The following CSMD1 variants were observed in gnomAD, a reference collection of about 807,000 sequenced individuals.
CSMD1 encodes CUB and Sushi multiple domains 1, also known as CUB and sushi domain-containing protein 1.
CSMD1 carries 213 observed loss-of-function variants against 417.5 expected under a neutral mutation model. That is an observed-to-expected ratio of 0.51 (90% CI 0.46 to 0.57). CSMD1 has a LOEUF of 0.57. CSMD1 is among the 20% of genes least tolerant of loss of function. CSMD1 has a pLI of 0.00. For synonymous variants in CSMD1, 2,862 were observed against 1,736.8 expected (o/e 1.65, Z -16.11); for missense variants, 6,923 against 4,529.7 (o/e 1.53, Z -15.17).
At chr8:3,786,608 G>A (rs772326836) in intron 5 of CSMD1, among the ~76,000 whole-genome samples, 3 of 152,170 alleles carry the variant, frequency 2.0e-5, no homozygotes, top group Non-Finnish European at 4.4e-5. Context: ...GGCTCTCTCA[G>A]CAAAGCAGTT....
chr8:3,352,942 A>T (rs1051382169), intron 21 of CSMD1, among the ~76,000 whole-genome samples: 1 of 152,206 alleles, frequency 6.6e-6, no homozygotes, highest in African/African-American at 2.4e-5. Flanking sequence ...GTATATAACA[A>T]AACTAAGCCC....
chr8:3,743,614 C>T (rs2720842), intron 6 of CSMD1, among the ~76,000 whole-genome samples: 7 of 152,046 alleles, frequency 4.6e-5, no homozygotes, highest in East Asian at 1.9e-4. Context: ...AACTAGGTCT[C>T]GAAAACCTTC....
rs112692258 is a variant in CSMD1 at position 3,489,747 on chromosome 8, C to G, written c.1448+3876G>C. Among the ~76,000 whole-genome samples the G allele has an allele frequency of 1.2e-4, 19 of 152,070 alleles. 1 individual carries two copies. The highest frequency in any genetic ancestry group is 3.4e-4 in the African/African-American group (14 of 41,472). On this transcript the variant is annotated intron_variant, in intron 11 of 69. Transcript: ENST00000635120. ...TGCCAGAAATAAGAATTTTTAAAAC[C>G]GTATTTAGGGTGAGCTATATAGTTT...
At chr8:4,106,840 G>T (rs565310799) in intron 3 of CSMD1, among the ~76,000 whole-genome samples, 3 of 152,102 alleles carry the variant, frequency 2.0e-5, no homozygotes, top group Admixed American at 6.6e-5. Flanking sequence ...TCCGAAGTCA[G>T]AGAGAAAAGA....
chr8:3,548,223 G>A (rs186912390), intron 10 of CSMD1, among the ~76,000 whole-genome samples: 7 of 152,188 alleles, frequency 4.6e-5, no homozygotes, highest in Non-Finnish European at 7.3e-5. Flanking sequence ...GGCTGATGGA[G>A]CCATCTCAGT....
intron 3 of CSMD1, among the ~76,000 whole-genome samples, chr8:4,051,019 G>C (rs761026282): frequency 6.6e-6 from 1 of 152,190 alleles, no homozygotes; most frequent in African/African-American, 2.4e-5. Context: ...GAAGGAGCCA[G>C]AAAACCCACC....
At chr8:4,268,610 A>G (rs1173141747) in intron 3 of CSMD1, among the ~76,000 whole-genome samples, 1 of 152,200 alleles carries the variant, frequency 6.6e-6, no homozygotes, top group Non-Finnish European at 1.5e-5. Flanking sequence ...AAGAGTAGCT[A>G]TGGGATTACA....
chr8:3,888,417 T>C (rs1208280392), intron 5 of CSMD1, among the ~76,000 whole-genome samples: 3 of 152,186 alleles, frequency 2.0e-5, no homozygotes, highest in South Asian at 4.1e-4. Context: ...GAAACCTTTT[T>C]TTACCTTAAT....
chr8:4,679,005 A>G (rs1805865793), intron 1 of CSMD1, among the ~76,000 whole-genome samples: 1 of 152,204 alleles, frequency 6.6e-6, no homozygotes, highest in Admixed American at 6.5e-5. Context: ...CACCCACAGA[A>G]CAACAGGGAC....
intron 26 of CSMD1, among the ~76,000 whole-genome samples, chr8:3,275,575 G>A (rs191823356): frequency 5.5e-4 from 84 of 152,274 alleles, no homozygotes; most frequent in African/African-American, 1.9e-3. Context: ...ACAATCAGAC[G>A]TAGATTCAGT....
intron 5 of CSMD1, among the ~76,000 whole-genome samples, chr8:3,942,998 G>T (rs948663252): frequency 1.3e-5 from 2 of 152,030 alleles, no homozygotes; most frequent in Non-Finnish European, 2.9e-5. Flanking sequence ...CTAAGGGGAG[G>T]TCTAAATTAT....
At chr8:3,974,125 G>C (rs1190133871) in intron 5 of CSMD1, among the ~76,000 whole-genome samples, 2 of 152,046 alleles carry the variant, frequency 1.3e-5, no homozygotes, top group Non-Finnish European at 1.5e-5. Context: ...CCACATAATA[G>C]GTAGTTTTGT....
intron 9 of CSMD1, among the ~76,000 whole-genome samples, chr8:3,584,659 T>C (rs895268687): frequency 1.3e-5 from 2 of 152,286 alleles, no homozygotes; most frequent in South Asian, 2.1e-4. Flanking sequence ...AAGGCAAATA[T>C]TTAAGTTACT....
chr8:4,721,315 G>T (rs1050399226), intron 1 of CSMD1, among the ~76,000 whole-genome samples: 1 of 152,142 alleles, frequency 6.6e-6, no homozygotes, highest in Admixed American at 6.6e-5. Flanking sequence ...TTTGTAGTTG[G>T]TGGGTTTGAT....
intron 2 of CSMD1, among the ~76,000 whole-genome samples, chr8:4,539,628 G>A (rs181545568): frequency 1.3e-5 from 2 of 152,272 alleles, no homozygotes; most frequent in African/African-American, 4.8e-5. Context: ...ATGTACCACA[G>A]GTGGACTGCA....
chr8:3,682,332 A>T (rs1043015194), intron 7 of CSMD1, among the ~76,000 whole-genome samples: 2 of 152,212 alleles, frequency 1.3e-5, no homozygotes, highest in African/African-American at 2.4e-5. Flanking sequence ...AAAGAACCCA[A>T]ACAAATTTAC....
At chr8:4,403,986 C>A (rs903653991) in intron 3 of CSMD1, among the ~76,000 whole-genome samples, 1 of 152,162 alleles carries the variant, frequency 6.6e-6, no homozygotes, top group Admixed American at 6.5e-5. Flanking sequence ...TCTCCTTTCT[C>A]AGGTCAACCA....
intron 3 of CSMD1, among the ~76,000 whole-genome samples, chr8:4,290,219 G>A (rs1454538083): frequency 1.3e-5 from 2 of 151,748 alleles, no homozygotes; most frequent in African/African-American, 2.4e-5. Flanking sequence ...ACTTGTATGT[G>A]TGTCTGCAAA....
At chr8:4,083,714 G>T (rs1338329370) in intron 3 of CSMD1, among the ~76,000 whole-genome samples, 2 of 152,032 alleles carry the variant, frequency 1.3e-5, no homozygotes, top group Non-Finnish European at 2.9e-5. Flanking sequence ...AGACTTAAAC[G>T]TTAGACCTAA....
Sources: allele counts gnomAD v4.1 joint callset (sites outside exome capture counted in the v4.1 genomes callset), GRCh38; gene constraint gnomAD v4.1.1; transcripts MANE v1.5; gene names NCBI Gene and HGNC (gene_info 2026-07-23, HGNC 2026-07-21).